RBFOX1: variants seen among roughly 807,000 people sequenced by gnomAD.
The protein encoded by RBFOX1 is RNA binding fox-1 homolog 1.
A neutral mutation model predicts 57.7 loss-of-function variants in RBFOX1; 8 were observed. The observed-to-expected ratio is 0.14, with a 90% confidence interval of 0.08 to 0.25. The LOEUF (loss-of-function observed/expected upper bound fraction) is 0.25, where lower values mean the gene tolerates loss of function less well. RBFOX1 is among the 10% of genes least tolerant of loss of function. The pLI is 1.00. For synonymous variants in RBFOX1, 326 were observed against 222.4 expected (o/e 1.47, Z -4.15); for missense variants, 611 against 548.5 (o/e 1.11, Z -1.14).
chr16:7,205,510 C>G (rs528451871), intron 4 of RBFOX1, among the ~76,000 whole-genome samples: 25 of 136,794 alleles, frequency 1.8e-4, no homozygotes, highest in African/African-American at 6.5e-4. Flanking sequence ...GAGACTCTGT[C>G]TCAGGAAAAA....
intron 4 of RBFOX1, among the ~76,000 whole-genome samples, chr16:7,353,691 G>C (rs956217091): frequency 6.6e-6 from 1 of 152,196 alleles, no homozygotes; most frequent in Admixed American, 6.5e-5. Context: ...TACTAAGTGA[G>C]TGAAGTCAGA....
rs574024127 is a variant in RBFOX1 at position 5,970,790 on chromosome 16, T to C, written c.351+103455T>C. Among the ~76,000 whole-genome samples the C allele has an allele frequency of 6.9e-4, 105 of 152,340 alleles. 1 individual carries two copies. The highest frequency in any genetic ancestry group is 9.7e-4 in the Non-Finnish European group (66 of 68,034). On this transcript the variant is annotated intron_variant, in intron 4 of 19. Coordinates refer to the RBFOX1 transcript ENST00000641259. Reference sequence around the variant, plus strand: ...GAAGTCTATGACTATATGGCCATGTTTTCATTGCACAGCAAAATATGCCTT... The same window carrying C: ...GAAGTCTATGACTATATGGCCATGTCTTCATTGCACAGCAAAATATGCCTT...
intron 2 of RBFOX1, among the ~76,000 whole-genome samples, chr16:6,500,881 T>G (rs2095891451): frequency 7.4e-6 from 1 of 135,666 alleles, no homozygotes. Context: ...GAGTAGTTTT[T>G]TTTTTTTTTT....
intron 2 of RBFOX1, among the ~76,000 whole-genome samples, chr16:6,343,787 G>A (rs1448323027): frequency 6.6e-6 from 1 of 152,056 alleles, no homozygotes; most frequent in Non-Finnish European, 1.5e-5. Context: ...TCATTTTGGG[G>A]GATTAATTCT....
chr16:6,915,847 C>G (rs1190419825), intron 3 of RBFOX1, among the ~76,000 whole-genome samples: 1 of 152,126 alleles, frequency 6.6e-6, no homozygotes, highest in Non-Finnish European at 1.5e-5. Flanking sequence ...CCGCTATGCC[C>G]AGCCTTCATT....
chr16:6,931,082 T>C (rs1041137559), intron 3 of RBFOX1, among the ~76,000 whole-genome samples: 2 of 152,100 alleles, frequency 1.3e-5, no homozygotes, highest in Non-Finnish European at 2.9e-5. Context: ...ACATTTAGAA[T>C]AGCAGATATT....
chr16:6,175,459 C>T (rs1003453380), intron 1 of RBFOX1, among the ~76,000 whole-genome samples: 3 of 151,886 alleles, frequency 2.0e-5, no homozygotes, highest in African/African-American at 7.3e-5. Context: ...TTATTTAATC[C>T]AGTTGGTCCC....
chr16:7,218,722 C>A (rs538675718), intron 4 of RBFOX1, among the ~76,000 whole-genome samples: 4 of 124,580 alleles, frequency 3.2e-5, no homozygotes, highest in African/African-American at 1.2e-4. Flanking sequence ...GGTAAGTCAT[C>A]TTAAAGTGTT....
intron 5 of RBFOX1, among the ~76,000 whole-genome samples, chr16:7,568,729 C>A (rs988405864): frequency 6.6e-6 from 1 of 151,048 alleles, no homozygotes; most frequent in Non-Finnish European, 1.5e-5. Flanking sequence ...ACTAAAAATA[C>A]AAAAAAAATT....
intron 4 of RBFOX1, among the ~76,000 whole-genome samples, chr16:7,170,457 T>TC (rs904019135): frequency 6.6e-6 from 1 of 152,118 alleles, no homozygotes; most frequent in Non-Finnish European, 1.5e-5. Flanking sequence ...CTTTTTTTTT[T>TC]CCAAGATAGA....
intron 2 of RBFOX1, among the ~76,000 whole-genome samples, chr16:5,487,162 C>T (rs371059329): frequency 7.2e-5 from 11 of 152,150 alleles, no homozygotes; most frequent in African/African-American, 2.7e-4. Flanking sequence ...TATCCAAGCT[C>T]CTTGTGTTTT....
chr16:6,116,267 CAG>C (rs1302731412), intron 1 of RBFOX1, among the ~76,000 whole-genome samples: 1 of 147,356 alleles, frequency 6.8e-6, no homozygotes, highest in Non-Finnish European at 1.5e-5. Flanking sequence ...CAGGGCCTGT[CAG>C]GGGGTGGGGG....
chr16:5,649,964 G>A (rs1462907795), intron 3 of RBFOX1, among the ~76,000 whole-genome samples: 1 of 152,168 alleles, frequency 6.6e-6, no homozygotes, highest in Non-Finnish European at 1.5e-5. Flanking sequence ...TGGAACACGC[G>A]GGGAGGTCGG....
At chr16:5,813,593 A>T (rs575718096) in intron 3 of RBFOX1, among the ~76,000 whole-genome samples, 1 of 152,244 alleles carries the variant, frequency 6.6e-6, no homozygotes, top group South Asian at 2.1e-4. Flanking sequence ...TTTATATCAA[A>T]TACCCAGAAA....
At chr16:6,914,649 G>C (rs1431483391) in intron 3 of RBFOX1, among the ~76,000 whole-genome samples, 2 of 152,100 alleles carry the variant, frequency 1.3e-5, no homozygotes, top group Non-Finnish European at 2.9e-5. Flanking sequence ...TGAGGCAGGA[G>C]GATTGCTTGA....
At chr16:6,824,983 G>GTTTTTTTTTTTTTTTTTTGTTTTTTTTT (rs2091917613) in intron 3 of RBFOX1, among the ~76,000 whole-genome samples, 1 of 36,878 alleles carries the variant, frequency 2.7e-5, no homozygotes, top group Non-Finnish European at 5.9e-5. Flanking sequence ...TTCTTTCTTG[G>GTTTTTTTTTTTTTTTTTTGTTTTTTTTT]TTTTTTTTTT....
At chr16:7,179,334 T>TCCCCTTA (rs1370106993) in intron 4 of RBFOX1, among the ~76,000 whole-genome samples, 1 of 152,108 alleles carries the variant, frequency 6.6e-6, no homozygotes, top group Non-Finnish European at 1.5e-5. Context: ...AGCACCGCTT[T>TCCCCTTA]CCCCTTACCC....
chr16:5,278,718 G>C (rs894982213), intron 1 of RBFOX1, among the ~76,000 whole-genome samples: 1 of 152,134 alleles, frequency 6.6e-6, no homozygotes, highest in Non-Finnish European at 1.5e-5. Context: ...TTTTATAGTT[G>C]TGGCTGTTAC....
intron 1 of RBFOX1, among the ~76,000 whole-genome samples, chr16:6,302,057 G>A (rs147372140): frequency 2.6e-4 from 40 of 152,162 alleles, no homozygotes; most frequent in African/African-American, 8.4e-4. Flanking sequence ...TGACAAGACC[G>A]GAGATGCAAA....
Sources: gnomAD v4.1 joint callset for allele counts (sites outside exome capture counted in the v4.1 genomes callset) on GRCh38, gnomAD v4.1.1 for gene constraint, MANE v1.5 for transcripts, NCBI Gene and HGNC (gene_info 2026-07-23, HGNC 2026-07-21) for gene names.